FARP1: variants seen among roughly 807,000 people sequenced by gnomAD.
The protein encoded by FARP1 is FERM, ARHGEF and pleckstrin domain-containing protein 1.
In FARP1, 52 loss-of-function variants were observed where a neutral mutation model predicts 128.8. The observed-to-expected ratio is 0.40, with a 90% confidence interval of 0.32 to 0.51. The LOEUF is 0.51. Ranked by LOEUF, FARP1 falls within the 20% of genes least tolerant of loss-of-function variation. The probability of loss-of-function intolerance (pLI) is 0.45; values close to 1 mark genes in which losing one functional copy is unlikely to be tolerated. For missense variants in FARP1, 1,333 were observed against 1,367.9 expected (o/e 0.97, Z 0.40); for synonymous variants, 580 against 551.8 (o/e 1.05, Z -0.72).
At chr13:98,209,771 T>C (rs1594273102) in intron 1 of FARP1, among the ~76,000 whole-genome samples, 1 of 111,574 alleles carries the variant, frequency 9.0e-6, no homozygotes, top group Admixed American at 1.3e-4. Context: ...CACTCCAGCC[T>C]GGGCAATAGA....
At chr13:98,401,128 A>G (rs1176657670) in intron 13 of FARP1, 1 of 152,206 alleles carries the variant, frequency 6.6e-6, no homozygotes, top group East Asian at 1.9e-4. Context: ...CAAGCCCGTA[A>G]GAGCATATGG....
chr13:98,257,445 C>G (rs1883666593), intron 2 of FARP1, among the ~76,000 whole-genome samples: 2 of 139,076 alleles, frequency 1.4e-5, no homozygotes, highest in African/African-American at 3.0e-5. Context: ...TCTGCACTAT[C>G]TATTATACAT....
At chr13:98,320,317 C>G (rs1886933938) in intron 2 of FARP1, among the ~76,000 whole-genome samples, 1 of 152,218 alleles carries the variant, frequency 6.6e-6, no homozygotes, top group Admixed American at 6.5e-5. Context: ...ACTCTCCGTA[C>G]AATCTGGATG....
chr13:98,221,529 A>G (rs776683320), intron 2 of FARP1, among the ~76,000 whole-genome samples: 2 of 152,176 alleles, frequency 1.3e-5, no homozygotes, highest in African/African-American at 2.4e-5. Context: ...ATTGCCGTGA[A>G]ACCTCCATTT....
intron 2 of FARP1, among the ~76,000 whole-genome samples, chr13:98,296,357 C>T (rs1238077465): frequency 6.6e-6 from 1 of 152,144 alleles, no homozygotes; most frequent in African/African-American, 2.4e-5. Flanking sequence ...GCCTTGAATG[C>T]TATTTCCCCA....
At chr13:98,188,407 A>G (rs1426978219) in intron 1 of FARP1, among the ~76,000 whole-genome samples, 2 of 152,000 alleles carry the variant, frequency 1.3e-5, no homozygotes, top group African/African-American at 4.8e-5. Flanking sequence ...ACAAAGAAAA[A>G]AAATAAAGCT....
intron 2 of FARP1, among the ~76,000 whole-genome samples, chr13:98,265,574 C>T (rs1358580130): frequency 6.6e-6 from 1 of 151,864 alleles, no homozygotes; most frequent in Non-Finnish European, 1.5e-5. Flanking sequence ...CCGCCTTGGC[C>T]TCCCAAAGTG....
At chr13:98,314,205 A>G (rs1389070998) in intron 2 of FARP1, among the ~76,000 whole-genome samples, 3 of 152,094 alleles carry the variant, frequency 2.0e-5, no homozygotes, top group East Asian at 3.9e-4. Flanking sequence ...GAAAGTAGCA[A>G]ACATTTTCCT....
chr13:98,395,119 G>C (rs1230367078), intron 12 of FARP1, 108 bp from the exon 13 acceptor site: 1 of 1,344,354 alleles, frequency 7.4e-7, no homozygotes, highest in South Asian at 1.7e-5. Flanking sequence ...TTCTCCCGCC[G>C]CAGAGGCCTC....
intron 1 of FARP1, chr13:98,159,351 C>A (rs1256487457): frequency 6.6e-6 from 1 of 152,188 alleles, no homozygotes; most frequent in East Asian, 1.9e-4. Context: ...TCTTGTAGTA[C>A]AGGTGTCCCT....
rs199783992 is a variant in FARP1 at position 98,318,962 on chromosome 13, T to TG, written c.172-24800_172-24799insG. ...TTAGTTTTTTCTTGTTTTTTTTTTT[T>TG]TTTTTTTGTTTGTTTGTTTTGACAG... is the stretch of plus-strand genomic sequence containing the variant. On this transcript the variant is annotated intron_variant, in intron 2 of 26. Coordinates refer to ENST00000319562, the MANE Select transcript of FARP1 (RefSeq NM_005766.4). Among the ~76,000 whole-genome samples, 88 of 143,534 alleles carry TG rather than the reference T, an allele frequency of 6.1e-4. No individual in the cohort carries two copies. In the South Asian group the frequency reaches 0.013, roughly 22 times the overall value. The allele number at this position is 143,534 out of a possible 152,430, so 94.2% of individuals were successfully genotyped here. A position where few individuals can be genotyped will look rare whatever the true frequency, so the allele number is the denominator to read the frequency against.
intron 2 of FARP1, among the ~76,000 whole-genome samples, chr13:98,290,532 G>A (rs1456304377): frequency 6.6e-6 from 1 of 152,076 alleles, no homozygotes; most frequent in African/African-American, 2.4e-5. Context: ...GAACAGGTGA[G>A]GGACAGTGTG....
At chr13:98,267,013 CAAAA>C (rs368229193) in intron 2 of FARP1, among the ~76,000 whole-genome samples, 1 of 64,334 alleles carries the variant, frequency 1.6e-5, no homozygotes. Flanking sequence ...ACTCCCATCT[CAAAA>C]AAAAAAAAAA....
At chr13:98,406,123 G>A (rs1890962020) in intron 13 of FARP1, 2 of 152,190 alleles carry the variant, frequency 1.3e-5, no homozygotes, top group African/African-American at 2.4e-5. Context: ...ATGGACACCA[G>A]TTTGTACAGA....
intron 2 of FARP1, among the ~76,000 whole-genome samples, chr13:98,240,897 C>T (rs1456486729): frequency 1.3e-5 from 2 of 152,176 alleles, no homozygotes; most frequent in Admixed American, 6.6e-5. Context: ...CTTTACGATC[C>T]GGCATTGAGC....
rs184103264 is a variant in FARP1 at position 98,424,397 on chromosome 13, G to A, written c.1827-175G>A. 2.6e-5 allele frequency among the ~76,000 whole-genome samples: 4 copies of A among 152,348 alleles called. No individual in the cohort carries two copies. In the East Asian group the frequency reaches 5.8e-4, roughly 22 times the overall value. On this transcript the variant is annotated intron_variant, in intron 16 of 26. Coordinates refer to ENST00000319562, the MANE Select transcript of FARP1 (RefSeq NM_005766.4). Reference sequence around the variant, plus strand: ...ATAAGTGGAATTCTTTGCAGGATGAGTGGGGTAATTTCCAAGTCTCCTTCC... The same window carrying A: ...ATAAGTGGAATTCTTTGCAGGATGAATGGGGTAATTTCCAAGTCTCCTTCC...
At chr13:98,198,204 G>A (rs1162647368) in intron 1 of FARP1, among the ~76,000 whole-genome samples, 2 of 152,204 alleles carry the variant, frequency 1.3e-5, no homozygotes, top group Non-Finnish European at 2.9e-5. Flanking sequence ...ATTCACAGCA[G>A]TGTCTGCCAG....
chr13:98,418,239 A>G (rs1732718497), intron 16 of FARP1, among the ~76,000 whole-genome samples: 1 of 151,350 alleles, frequency 6.6e-6, no homozygotes, highest in African/African-American at 2.4e-5. Flanking sequence ...AGCATGAGTA[A>G]AATTACATGT....
At chr13:98,268,872 AATTTTTATTT>A (rs1262455239) in intron 2 of FARP1, among the ~76,000 whole-genome samples, 19 of 150,838 alleles carry the variant, frequency 1.3e-4, no homozygotes, top group Non-Finnish European at 2.5e-4. Context: ...ACGCTCGGCT[AATTTTTATTT>A]ATTTTTATTT....
Sources: gnomAD v4.1 joint callset for allele counts (sites outside exome capture counted in the v4.1 genomes callset) on GRCh38, gnomAD v4.1.1 for gene constraint, MANE v1.5 for transcripts, NCBI Gene and HGNC (gene_info 2026-07-23, HGNC 2026-07-21) for gene names.